TNKS: variants seen among roughly 807,000 people sequenced by gnomAD.
The protein encoded by TNKS is tankyrase, also known as poly [ADP-ribose] polymerase tankyrase-1.
A neutral mutation model predicts 135.8 loss-of-function variants in TNKS; 72 were observed. The ratio of observed to expected loss-of-function variants is 0.53; its 90% CI spans 0.44 to 0.64. TNKS has a LOEUF of 0.64. Ranked by LOEUF, TNKS falls within the 30% of genes least tolerant of loss-of-function variation. TNKS has a pLI of 0.00. For synonymous variants in TNKS, 849 were observed against 649.3 expected, an observed-to-expected ratio of 1.31 and a Z score of -4.68; for missense variants, 1,769 against 1,674.0, an observed-to-expected ratio of 1.06 and a Z score of -0.99.
At chr8:9,681,169 T>TA (rs774224667) in intron 5 of TNKS, 72 of 159,438 alleles carry the variant, frequency 4.5e-4, no homozygotes, top group Non-Finnish European at 1.2e-4. Flanking sequence ...TTTGATTTCT[T>TA]ATTTGGCAGA....
chr8:9,582,982 C>T (rs566385531), intron 2 of TNKS, among the ~76,000 whole-genome samples: 7 of 151,818 alleles, frequency 4.6e-5, no homozygotes, highest in East Asian at 1.9e-4. Flanking sequence ...CTGGCTAACA[C>T]GGTGAAACCC....
At chr8:9,584,834 A>G (rs1274778903) in intron 2 of TNKS, among the ~76,000 whole-genome samples, 1 of 152,212 alleles carries the variant, frequency 6.6e-6, no homozygotes. Context: ...GGTGCCTCTC[A>G]TTAGGGAAGA....
intron 9 of TNKS, among the ~76,000 whole-genome samples, chr8:9,709,589 G>A (rs1290951514): frequency 6.6e-6 from 1 of 152,264 alleles, no homozygotes; most frequent in Non-Finnish European, 1.5e-5. Context: ...ACTGACTTGT[G>A]TGGCTGATGG....
At chr8:9,585,977 G>A (rs1798366123) in intron 2 of TNKS, among the ~76,000 whole-genome samples, 1 of 152,106 alleles carries the variant, frequency 6.6e-6, no homozygotes. Context: ...ATGGGAATGA[G>A]GGTAATAGCT....
At chr8:9,616,266 G>T (rs1191345419) in intron 3 of TNKS, among the ~76,000 whole-genome samples, 4 of 152,126 alleles carry the variant, frequency 2.6e-5, no homozygotes, top group Non-Finnish European at 5.9e-5. Flanking sequence ...CCAAGAACCA[G>T]CAAAGAGGAA....
chr8:9,628,167 TAAAA>T (rs60413454), intron 3 of TNKS, among the ~76,000 whole-genome samples: 1 of 151,666 alleles, frequency 6.6e-6, no homozygotes, highest in African/African-American at 2.4e-5. Context: ...AACAATAAAA[TAAAA>T]AAAAAAACAT....
chr8:9,770,174 A>C lies in TNKS; in HGVS notation c.3809A>C (p.His1270Pro). ...FLQFSTMKMA[H>P]APPGHHSVIG... ...CAGTTTAGCACCATGAAAATGGCCC[A>C]CGCGCCTCCAGGGCACCACTCAGTC... is the stretch of plus-strand genomic sequence containing the variant. Residue 1270 changes from histidine (H) to proline (P), a missense_variant, in exon 26 of 27, where the codon CAC becomes CCC. By Grantham distance (77) the His-to-Pro change is moderately conservative. This residue lies in a region of TNKS where 722 missense variants were observed against 688.9 expected (regional missense o/e 1.05). Transcript: ENST00000310430. The C allele has an allele frequency of 1.2e-6, 2 of 1,613,452 alleles. No individual in the cohort carries two copies. The highest frequency in any genetic ancestry group is 1.7e-6 in the Non-Finnish European group (2 of 1,179,944).
At chr8:9,674,773 C>G (rs189269490) in intron 3 of TNKS, among the ~76,000 whole-genome samples, 45 of 152,192 alleles carry the variant, frequency 3.0e-4, no homozygotes, top group African/African-American at 1.0e-3. Flanking sequence ...TTCCAGGAGA[C>G]AAGGAAAGGG....
rs1563182593 is a variant in TNKS, at chr8:9,709,806, T to C, written c.1579-149T>C. The C allele has an allele frequency of 4.7e-6, 3 of 637,050 alleles. No homozygotes were observed. In the East Asian group the frequency reaches 8.3e-5, roughly 18 times the overall value. 39.5% of individuals were successfully genotyped at this position (637,050 alleles called of 1,614,324 possible). Reference sequence around the variant, plus strand: ...ATTTCCACTATACGTAGAAAGAATATGGATCATCTCTGTGATATAAAACAT... The same window carrying C: ...ATTTCCACTATACGTAGAAAGAATACGGATCATCTCTGTGATATAAAACAT... On this transcript the variant is annotated intron_variant, in intron 9 of 26. Coordinates refer to ENST00000310430, the MANE Select transcript of TNKS (RefSeq NM_003747.3).
intron 11 of TNKS, among the ~76,000 whole-genome samples, chr8:9,716,481 A>G (rs1417982928): frequency 6.6e-6 from 1 of 152,166 alleles, no homozygotes; most frequent in Non-Finnish European, 1.5e-5. Flanking sequence ...ACAAATGGAA[A>G]TATATTTTAT....
chr8:9,559,234 A>G (rs886208476), intron 1 of TNKS, among the ~76,000 whole-genome samples: 1 of 152,196 alleles, frequency 6.6e-6, no homozygotes, highest in Non-Finnish European at 1.5e-5. Context: ...AACGTATATT[A>G]TACTGTCTGT....
intron 12 of TNKS, 107 bp from the exon 13 acceptor site, chr8:9,726,534 T>C: frequency 1.4e-6 from 1 of 723,140 alleles, no homozygotes. Context: ...TTTTTCCTCC[T>C]GAACTACTTT....
In TNKS at chr8:9,555,968, A is replaced by G. The variant is rs1191945506; in HGVS notation, c.29A>G (p.His10Arg). MAASRRSQH[H>R]HHHHQQQLQP... The stretch of plus-strand genomic sequence containing the variant: ...GCGGCGTCGCGTCGCTCTCAGCATC[A>G]TCACCACCATCATCAACAACAGCTC... The change falls in exon 1 of 27, where the codon CAT (histidine) becomes CGT (arginine). Residue 10 changes from histidine to arginine, a missense_variant. His to Arg is a conservative substitution (Grantham distance 29, BLOSUM62 0). Around this residue, in one of 5 missense-constraint regions of TNKS, gnomAD observed 450 missense variants for 304.9 expected, o/e 1.48. Transcript: ENST00000310430. 1.9e-6 allele frequency: 3 copies of G among 1,613,372 alleles called. No individual in the cohort carries two copies. The highest frequency in any genetic ancestry group is 4.5e-5 in the East Asian group (2 of 44,858).
intron 17 of TNKS, among the ~76,000 whole-genome samples, chr8:9,735,930 T>G (rs1805679652): frequency 6.6e-6 from 1 of 152,062 alleles, no homozygotes. Context: ...AATTTTAATC[T>G]TTTGTTCAGA....
chr8:9,570,510 G>A (rs1797716188), intron 1 of TNKS, among the ~76,000 whole-genome samples: 1 of 152,176 alleles, frequency 6.6e-6, no homozygotes, highest in Non-Finnish European at 1.5e-5. Context: ...ATTAGGATGG[G>A]TAGAATAACC....
At chr8:9,677,736 A>T (rs1218486307) in intron 3 of TNKS, among the ~76,000 whole-genome samples, 3 of 152,196 alleles carry the variant, frequency 2.0e-5, no homozygotes, top group Non-Finnish European at 1.5e-5. Flanking sequence ...TTACTTTCAA[A>T]GTAAAGTTCA....
chr8:9,697,129 A>G (rs181992346), intron 5 of TNKS, among the ~76,000 whole-genome samples: 15 of 152,288 alleles, frequency 9.8e-5, no homozygotes, highest in African/African-American at 3.4e-4. Context: ...TGGAATAGGA[A>G]GCTCAGAAAT....
intron 20 of TNKS, among the ~76,000 whole-genome samples, chr8:9,754,903 C>G (rs10106040): frequency 0.4 from 61,192 of 151,966 alleles, 12,602 homozygotes; most frequent in East Asian, 0.47. Flanking sequence ...AATAGTAAGA[C>G]TGCTTCATCC....
Position 9,721,298 on chromosome 8 carries a change from T to TTTTATATATATATATATA in TNKS, c.1921+754_1921+755insTTATATATATATATATAT, listed in dbSNP as rs140410610. Reference sequence around the variant, plus strand: ...TCTGTCTCAAAAATAAATAAATAAATTATATATATATATAAAATTATAAAA... The same window carrying TTTTATATATATATATATA: ...TCTGTCTCAAAAATAAATAAATAAATTTTATATATATATATATATATATATATATATAAAATTATAAAA... On this transcript the variant is annotated intron_variant, in intron 12 of 26. Transcript: ENST00000310430. Among the ~76,000 whole-genome samples, 302 of 118,162 alleles carry TTTTATATATATATATATA rather than the reference T, an allele frequency of 2.6e-3. 5 individuals carry two copies. Among genetic ancestry groups the TTTTATATATATATATATA allele is most frequent in the Non-Finnish European group, 4.0e-3 (228 of 56,484 alleles). The allele number at this position is 118,162 out of a possible 152,430, so 77.5% of individuals were successfully genotyped here.
Sources: allele counts gnomAD v4.1 joint callset (sites outside exome capture counted in the v4.1 genomes callset), GRCh38; gene constraint gnomAD v4.1.1; regional missense constraint gnomAD v4.1.1; transcripts MANE v1.5; gene names NCBI Gene and HGNC (gene_info 2026-07-23, HGNC 2026-07-21).